The following ADAM9 variants were observed in gnomAD, a reference collection of about 807,000 sequenced individuals.
The protein encoded by ADAM9 is ADAM metallopeptidase domain 9.
A neutral mutation model predicts 108.1 loss-of-function variants in ADAM9; 54 were observed. The ratio of observed to expected loss-of-function variants is 0.50; its 90% CI spans 0.40 to 0.63. The LOEUF is 0.63. ADAM9 is among the 20% of genes least tolerant of loss of function. The pLI is 0.00. For missense variants in ADAM9, 830 were observed against 997.7 expected, an observed-to-expected ratio of 0.83 and a Z score of 2.26; for synonymous variants, 316 against 336.0, an observed-to-expected ratio of 0.94 and a Z score of 0.65.
intron 15 of ADAM9, among the ~76,000 whole-genome samples, chr8:39,072,797 G>C (rs1003339742): frequency 1.4e-4 from 22 of 152,320 alleles, no homozygotes; most frequent in South Asian, 4.1e-4. Context: ...GATGCTGTTT[G>C]CTTCTTTTTC....
chr8:39,093,357 T>TA (rs1304702316), intron 20 of ADAM9, among the ~76,000 whole-genome samples: 1 of 152,192 alleles, frequency 6.6e-6, no homozygotes, highest in East Asian at 1.9e-4. Context: ...GATGTCATTC[T>TA]AAATGGAATT....
At chr8:39,040,243 T>C (rs1837417744) in intron 11 of ADAM9, among the ~76,000 whole-genome samples, 1 of 151,996 alleles carries the variant, frequency 6.6e-6, no homozygotes, top group Non-Finnish European at 1.5e-5. Context: ...GAGACGGGGT[T>C]TTACCATGTT....
In ADAM9 at chr8:39,066,383, TC is replaced by T. The variant is rs879563608; in HGVS notation, c.1592-4913del. ...AGTCCAACCAACAGTGTAAAAGTGT[TC>T]CTATTTCTCCACATCCTCTCCAGCA... On this transcript the variant is annotated intron_variant, in intron 14 of 21. Coordinates refer to ENST00000487273, the MANE Select transcript of ADAM9 (RefSeq NM_003816.3). Among the ~76,000 whole-genome samples the T allele has an allele frequency of 1.4e-3, 210 of 152,344 alleles. 3 individuals are homozygous for T. The highest frequency in any genetic ancestry group is 0.012 in the Admixed American group (182 of 15,304).
rs1287597875 is a variant in ADAM9, at chr8:39,055,786, A to G, written c.1591+14A>G. Reference sequence around the variant, plus strand: ...TCTTTGGCTCAAGTAAGATATCATCATTTATAATTGATTGCTTCGATATTA... The same window carrying G: ...TCTTTGGCTCAAGTAAGATATCATCGTTTATAATTGATTGCTTCGATATTA... On this transcript the variant is annotated intron_variant, in intron 14 of 21. Coordinates refer to ENST00000487273, the MANE Select transcript of ADAM9 (RefSeq NM_003816.3). The G allele has an allele frequency of 1.9e-6, 3 of 1,606,926 alleles. No homozygotes were observed. Among genetic ancestry groups the G allele is most frequent in the Admixed American group, 1.7e-5 (1 of 59,790 alleles).
intron 1 of ADAM9, among the ~76,000 whole-genome samples, chr8:38,997,939 T>C (rs551833363): frequency 6.6e-6 from 1 of 152,366 alleles, no homozygotes. Context: ...CCCTTGACTA[T>C]GTAAGATACT....
At chr8:39,092,002 C>T (rs1369013092) in intron 20 of ADAM9, among the ~76,000 whole-genome samples, 1 of 152,144 alleles carries the variant, frequency 6.6e-6, no homozygotes, top group Admixed American at 6.5e-5. Context: ...GTGCTGAGCT[C>T]TTGGATCGGC....
intron 5 of ADAM9, among the ~76,000 whole-genome samples, chr8:39,016,878 T>C (rs1404329523): frequency 6.6e-6 from 1 of 152,208 alleles, no homozygotes; most frequent in African/African-American, 2.4e-5. Context: ...AATACCTCGC[T>C]GAGAGTCCTG....
intron 2 of ADAM9, among the ~76,000 whole-genome samples, chr8:39,009,932 G>GAGAGAAAAAA (rs57357339): frequency 6.8e-5 from 1 of 14,660 alleles, no homozygotes; most frequent in Non-Finnish European, 1.2e-4. Flanking sequence ...GAGAGAGAGA[G>GAGAGAAAAAA]ACAAAAACAA....
At chr8:39,011,871 C>T (rs1474707060) in intron 3 of ADAM9, among the ~76,000 whole-genome samples, 155 bp downstream of exon 3, 1 of 152,174 alleles carries the variant, frequency 6.6e-6, no homozygotes, top group Non-Finnish European at 1.5e-5. Context: ...GCTGGCTGGG[C>T]AGGCAGTGAC....
At chr8:38,997,313 G>C (rs1038173983) in intron 1 of ADAM9, among the ~76,000 whole-genome samples, 153 bp downstream of exon 1, 1 of 152,112 alleles carries the variant, frequency 6.6e-6, no homozygotes, top group African/African-American at 2.4e-5. Flanking sequence ...TGCGGACCGG[G>C]GTCGCACCCG....
Position 39,007,987 on chromosome 8 carries a change from A to C in ADAM9, c.195+4A>C, listed in dbSNP as rs767769690. The C allele has an allele frequency of 1.3e-6, 2 of 1,572,830 alleles. No homozygotes were observed. Among genetic ancestry groups the C allele is most frequent in the East Asian group, 4.5e-5 (2 of 44,610 alleles). On this transcript the variant is annotated splice_donor_region_variant and intron_variant, in intron 2 of 21. Coordinates refer to ENST00000487273, the MANE Select transcript of ADAM9 (RefSeq NM_003816.3). ...CCCTAGGCCCTATTCAAAACAAGTA[A>C]GTTATAATTGTTGAGAAATAATATG...
intron 19 of ADAM9, among the ~76,000 whole-genome samples, chr8:39,090,593 G>A (rs1214393236): frequency 2.0e-5 from 3 of 152,230 alleles, no homozygotes; most frequent in Non-Finnish European, 2.9e-5. Flanking sequence ...TTGAAAGGTG[G>A]TGGTGACCAA....
intron 18 of ADAM9, among the ~76,000 whole-genome samples, chr8:39,088,376 T>C (rs531175650): frequency 9.9e-5 from 15 of 152,064 alleles, no homozygotes; most frequent in Non-Finnish European, 1.9e-4. Flanking sequence ...TGCCTCAGCC[T>C]CCCGAGTGGC....
At chr8:39,031,255 GATTT>G (rs963687502) in intron 11 of ADAM9, among the ~76,000 whole-genome samples, 3 of 152,150 alleles carry the variant, frequency 2.0e-5, no homozygotes, top group African/African-American at 4.8e-5. Flanking sequence ...TCTGTGTCTA[GATTT>G]ATTTATTTAT....
At chr8:39,026,034 G>A (rs1449082010) in intron 10 of ADAM9, 150 bp downstream of exon 10, 1 of 754,466 alleles carries the variant, frequency 1.3e-6, no homozygotes, top group East Asian at 2.6e-5. Flanking sequence ...TCTTTCCCCA[G>A]AGACTGGGTC....
At chr8:39,016,264 C>G (rs1284006209) in intron 5 of ADAM9, 70 bp downstream of exon 5, 3 of 1,386,214 alleles carry the variant, frequency 2.2e-6, no homozygotes, top group African/African-American at 2.9e-5. Flanking sequence ...GTTTCTGTCT[C>G]CAAATTAAAT....
At chr8:39,002,557 G>A (rs1029767961) in intron 1 of ADAM9, among the ~76,000 whole-genome samples, 16 of 151,644 alleles carry the variant, frequency 1.1e-4, no homozygotes, top group African/African-American at 3.6e-4. Flanking sequence ...TCCTGACCTC[G>A]TGATCCGCCT....
intron 15 of ADAM9, 111 bp from the exon 16 acceptor site, chr8:39,077,117 T>G: frequency 6.6e-5 from 78 of 1,186,834 alleles, no homozygotes; most frequent in Non-Finnish European, 8.4e-5. Context: ...CTTTCTCTGT[T>G]GAGATTCCCT....
At chr8:39,060,190 G>A (rs190696919) in intron 14 of ADAM9, among the ~76,000 whole-genome samples, 8 of 152,164 alleles carry the variant, frequency 5.3e-5, no homozygotes, top group Admixed American at 1.3e-4. Flanking sequence ...GTAGTTATTC[G>A]CAGAGGATCA....
Sources: gnomAD v4.1 joint callset for allele counts (sites outside exome capture counted in the v4.1 genomes callset) on GRCh38, gnomAD v4.1.1 for gene constraint, MANE v1.5 for transcripts, NCBI Gene and HGNC (gene_info 2026-07-23, HGNC 2026-07-21) for gene names.